Variants in LRP1B observed in about 807,000 individuals in gnomAD.
LRP1B encodes the protein LDL receptor related protein 1B, also known as low-density lipoprotein receptor-related protein 1B.
In LRP1B, 217 loss-of-function variants were observed where a neutral mutation model predicts 556.6. The ratio of observed to expected loss-of-function variants is 0.39; its 90% CI spans 0.35 to 0.44. LRP1B has a LOEUF of 0.44. Among genes scored for constraint, LRP1B ranks in the 20% least tolerant of loss-of-function variants. LRP1B has a pLI of 1.00. For synonymous variants in LRP1B, 2,047 were observed against 1,865.8 expected, an observed-to-expected ratio of 1.10 and a Z score of -2.50; for missense variants, 5,053 against 5,620.8, an observed-to-expected ratio of 0.90 and a Z score of 3.23.
chr2:141,428,534 G>A (rs1022290176), intron 3 of LRP1B, among the ~76,000 whole-genome samples: 1 of 152,188 alleles, frequency 6.6e-6, no homozygotes, highest in Non-Finnish European at 1.5e-5. Context: ...CCCATCACAT[G>A]TATGGGACTT....
At chr2:140,748,185 A>G (rs931943623) in intron 35 of LRP1B, among the ~76,000 whole-genome samples, 29 of 130,212 alleles carry the variant, frequency 2.2e-4, no homozygotes, top group African/African-American at 8.3e-4. Flanking sequence ...ATATTCATAT[A>G]TGTGTATATT....
intron 1 of LRP1B, among the ~76,000 whole-genome samples, chr2:142,028,754 G>A (rs1454446627): frequency 2.0e-5 from 3 of 151,926 alleles, no homozygotes; most frequent in East Asian, 3.9e-4. Context: ...ATTTTCCAAA[G>A]TGGCTGTAAC....
chr2:141,855,489 A>G (rs1466834738), intron 1 of LRP1B, among the ~76,000 whole-genome samples: 1 of 152,148 alleles, frequency 6.6e-6, no homozygotes, highest in Non-Finnish European at 1.5e-5. Context: ...GAAATGTTCA[A>G]TGTAATCTGC....
chr2:140,997,651 A>C (rs988961875), intron 15 of LRP1B, among the ~76,000 whole-genome samples: 1 of 151,948 alleles, frequency 6.6e-6, no homozygotes, highest in African/African-American at 2.4e-5. Flanking sequence ...ATAAAATAAA[A>C]TGTCTTTCTA....
At chr2:141,170,020 A>C (rs1558908069) in intron 7 of LRP1B, among the ~76,000 whole-genome samples, 1 of 152,004 alleles carries the variant, frequency 6.6e-6, no homozygotes, top group Non-Finnish European at 1.5e-5. Context: ...CTCTTCCATA[A>C]TTGTGCTTTT....
intron 1 of LRP1B, among the ~76,000 whole-genome samples, chr2:141,836,143 T>C (rs1697270256): frequency 6.6e-6 from 1 of 152,078 alleles, no homozygotes; most frequent in East Asian, 1.9e-4. Flanking sequence ...TTAATTTACC[T>C]GTTTGGGAAA....
At chr2:140,796,206 A>T (rs1690307554) in intron 32 of LRP1B, among the ~76,000 whole-genome samples, 1 of 152,122 alleles carries the variant, frequency 6.6e-6, no homozygotes, top group Non-Finnish European at 1.5e-5. Context: ...TACAAAGAAG[A>T]AACAATCACT....
rs143481626 is a variant in LRP1B at position 142,084,930 on chromosome 2, G to A, written c.82+45718C>T. On this transcript the variant is annotated intron_variant, in intron 1 of 90. Coordinates refer to ENST00000389484, the MANE Select transcript of LRP1B (RefSeq NM_018557.3). ...TATAAATATATTGCCAAAATGTTCC[G>A]CCTAGAGTGCATATCTGACCTTTTT... 1.3e-3 allele frequency among the ~76,000 whole-genome samples: 198 copies of A among 152,080 alleles called. No individual in the cohort carries two copies. The East Asian group carries it at 0.013, about 10-fold the overall frequency.
At chr2:142,051,064 G>C (rs1224386525) in intron 1 of LRP1B, among the ~76,000 whole-genome samples, 1 of 152,066 alleles carries the variant, frequency 6.6e-6, no homozygotes, top group Admixed American at 6.6e-5. Context: ...AAGACGTTAA[G>C]TTCAGCTTCT....
At chr2:141,229,947 C>T (rs1179513774) in intron 5 of LRP1B, among the ~76,000 whole-genome samples, 1 of 152,178 alleles carries the variant, frequency 6.6e-6, no homozygotes. Flanking sequence ...AAGAGCCAAA[C>T]AATCACACAT....
chr2:140,688,410 C>T (rs577586532), intron 41 of LRP1B, among the ~76,000 whole-genome samples: 95 of 152,134 alleles, frequency 6.2e-4, no homozygotes, highest in African/African-American at 2.1e-3. Flanking sequence ...CATGGATAAA[C>T]CACATGTGAT....
At chr2:140,452,238 C>T (rs1205133815) in intron 62 of LRP1B, among the ~76,000 whole-genome samples, 1 of 152,060 alleles carries the variant, frequency 6.6e-6, no homozygotes, top group Non-Finnish European at 1.5e-5. Context: ...GACCAAAAAG[C>T]TCAGTTAGTT....
At chr2:140,758,372 A>G (rs1238069456) in intron 35 of LRP1B, among the ~76,000 whole-genome samples, 1 of 152,074 alleles carries the variant, frequency 6.6e-6, no homozygotes, top group Non-Finnish European at 1.5e-5. Context: ...CCAAAATATT[A>G]ATAGTTGCTG....
At chr2:140,289,026 GA>G (rs1683270599) in intron 84 of LRP1B, among the ~76,000 whole-genome samples, 1 of 151,844 alleles carries the variant, frequency 6.6e-6, no homozygotes, top group African/African-American at 2.4e-5. Flanking sequence ...AGCTGGCATG[GA>G]AAAAAGTTCC....
At position 140,495,712 on chromosome 2, in the gene LRP1B, C is replaced by G. The variant is rs138429900; in HGVS notation, c.8887G>C (p.Gly2963Arg). The change falls in exon 56 of 91, where the codon GGC (glycine) becomes CGC (arginine). Residue 2963 changes from glycine to arginine, a missense_variant. Coordinates refer to ENST00000389484, the MANE Select transcript of LRP1B (RefSeq NM_018557.3). Reference protein sequence around the residue: ...CWPGFQLKDDGKTCVDIDECS... With the variant: ...CWPGFQLKDDRKTCVDIDECS... ...TCATCAATGTCTACACATGTTTTGCCGTCATCCTTCAGTTGGAATCCAGGC... is the reference window on the plus strand; with the variant it reads ...TCATCAATGTCTACACATGTTTTGCGGTCATCCTTCAGTTGGAATCCAGGC... The G allele has an allele frequency of 6.2e-7, 1 of 1,611,252 alleles. No individual in the cohort carries two copies. Among genetic ancestry groups the G allele is most frequent in the South Asian group, 1.1e-5 (1 of 90,984 alleles).
intron 9 of LRP1B, among the ~76,000 whole-genome samples, chr2:141,056,833 C>G (rs749100211): frequency 5.3e-5 from 8 of 151,788 alleles, no homozygotes; most frequent in Non-Finnish European, 1.0e-4. Flanking sequence ...TAAATATACC[C>G]TTGATATTTT....
intron 35 of LRP1B, among the ~76,000 whole-genome samples, chr2:140,738,546 G>A (rs992462864): frequency 4.6e-5 from 7 of 152,144 alleles, no homozygotes; most frequent in African/African-American, 1.7e-4. Flanking sequence ...ACTGAATGTG[G>A]TATAAATACT....
rs1686607753 is a variant in LRP1B at position 140,700,730 on chromosome 2, T to C, written c.6428-109A>G. The C allele has an allele frequency of 5.2e-6, 6 of 1,149,400 alleles. No homozygotes were observed. The South Asian group carries it at 9.1e-5, about 17-fold the overall frequency. 71.2% of individuals were successfully genotyped at this position (1,149,400 alleles called of 1,614,324 possible). A position where few individuals can be genotyped will look rare whatever the true frequency, so the allele number is the denominator to read the frequency against. ...AAAACTTTGATGTTGAATATTCTCT[T>C]TTTGCTCTTAATTTTAAGCTGGTCA... On this transcript the variant is annotated intron_variant, in intron 40 of 90. Transcript: ENST00000389484.
chr2:140,765,571 A>G (rs1332772566), intron 35 of LRP1B, among the ~76,000 whole-genome samples: 1 of 152,138 alleles, frequency 6.6e-6, no homozygotes, highest in African/African-American at 2.4e-5. Flanking sequence ...TTCCACTGGA[A>G]TGGAACTTTT....
Sources: gnomAD v4.1 joint callset for allele counts (sites outside exome capture counted in the v4.1 genomes callset) on GRCh38, gnomAD v4.1.1 for gene constraint, MANE v1.5 for transcripts, NCBI Gene and HGNC (gene_info 2026-07-23, HGNC 2026-07-21) for gene names.